The following CCDC141 variants were observed in gnomAD, a reference collection of about 807,000 sequenced individuals.
CCDC141 encodes coiled-coil domain-containing protein 141.
A neutral mutation model predicts 181.0 loss-of-function variants in CCDC141; 168 were observed. That is an observed-to-expected ratio of 0.93 (90% CI 0.82 to 1.05). The LOEUF (loss-of-function observed/expected upper bound fraction) is 1.05. Ranked by LOEUF, CCDC141 falls within the 50% of genes least tolerant of loss-of-function variation. The pLI is 0.00. For missense variants in CCDC141, 1,902 were observed against 1,788.5 expected (o/e 1.06, Z -1.14); for synonymous variants, 666 against 642.3 (o/e 1.04, Z -0.56).
intron 12 of CCDC141, chr2:178,876,145 GAA>G (rs1335398230): frequency 6.6e-6 from 1 of 152,076 alleles, no homozygotes; most frequent in Admixed American, 6.5e-5. Flanking sequence ...AAGATAAAGA[GAA>G]AATTGCAGCT....
intron 6 of CCDC141, among the ~76,000 whole-genome samples, chr2:178,940,686 TC>T (rs957656656): frequency 2.0e-5 from 3 of 152,202 alleles, no homozygotes; most frequent in African/African-American, 7.2e-5. Context: ...AAAGGATGCT[TC>T]TTCTTCACAA....
At chr2:179,047,481 A>G in intron 1 of CCDC141, 75 bp from the exon 2 acceptor site, 1 of 1,261,234 alleles carries the variant, frequency 7.9e-7, no homozygotes. Context: ...CATTTTTAAT[A>G]TATCGTTTAA....
At chr2:179,002,523 G>T (rs1240658327) in intron 2 of CCDC141, 2 of 386,770 alleles carry the variant, frequency 5.2e-6, no homozygotes, top group Non-Finnish European at 1.0e-5. Flanking sequence ...AACAATATGT[G>T]GTAAGAAAGG....
intron 2 of CCDC141, among the ~76,000 whole-genome samples, chr2:179,031,233 G>A (rs867534948): frequency 8.6e-5 from 13 of 150,402 alleles, no homozygotes; most frequent in African/African-American, 1.7e-4. Flanking sequence ...AGTAGTTTTC[G>A]TAGCTTATGA....
intron 8 of CCDC141, among the ~76,000 whole-genome samples, chr2:178,897,632 T>G (rs1186739945): frequency 6.6e-6 from 1 of 152,186 alleles, no homozygotes; most frequent in Admixed American, 6.5e-5. Context: ...TATACAGTCC[T>G]TTAGGCAGGT....
chr2:178,868,675 G>A (rs1450063331), intron 15 of CCDC141, among the ~76,000 whole-genome samples: 5 of 151,198 alleles, frequency 3.3e-5, no homozygotes, highest in East Asian at 1.9e-4. Context: ...GAATTGGGGC[G>A]GGGGAGAGGG....
At chr2:178,825,320 A>C (rs1335894134), downstream of CCDC141, 1 of 152,206 alleles carries the variant, frequency 6.6e-6, no homozygotes, top group African/African-American at 2.4e-5. Context: ...TACCCACAGT[A>C]GCTACATTCA....
At chr2:178,854,988 T>C (rs1685321916) in intron 19 of CCDC141, among the ~76,000 whole-genome samples, 6 of 152,170 alleles carry the variant, frequency 3.9e-5, no homozygotes, top group Admixed American at 3.3e-4. Flanking sequence ...TTCTGTGAAA[T>C]AAATAAACCA....
rs75940894 is a variant in CCDC141 at position 178,990,837 on chromosome 2, G to T, written c.226-12162C>A. On this transcript the variant is annotated intron_variant, in intron 2 of 23. Transcript: ENST00000443758. ...AGGAGTCACTATGTAGTGGGCACAGGGTTTTCTTTTGGGCTGATGGAAAGG... is the reference window on the plus strand; with the variant it reads ...AGGAGTCACTATGTAGTGGGCACAGTGTTTTCTTTTGGGCTGATGGAAAGG... Among the ~76,000 whole-genome samples the T allele has an allele frequency of 4.9e-3, 744 of 152,196 alleles. 9 individuals carry two copies. Among genetic ancestry groups the T allele is most frequent in the African/African-American group, 0.017 (714 of 41,526 alleles).
intron 2 of CCDC141, among the ~76,000 whole-genome samples, chr2:179,016,085 T>C (rs188834023): frequency 1.3e-3 from 194 of 151,290 alleles, no homozygotes; most frequent in African/African-American, 4.4e-3. Context: ...CTAAGTGAGG[T>C]AACTCAGGAA....
At chr2:178,842,679 T>C (rs1159668844) in intron 22 of CCDC141, among the ~76,000 whole-genome samples, 2 of 152,188 alleles carry the variant, frequency 1.3e-5, no homozygotes, top group Non-Finnish European at 2.9e-5. Flanking sequence ...CCATAACAGA[T>C]AGCCTTACTT....
chr2:178,982,816 C>T (rs577950747), intron 2 of CCDC141, among the ~76,000 whole-genome samples: 48 of 152,260 alleles, frequency 3.2e-4, no homozygotes, highest in Admixed American at 1.1e-3. Flanking sequence ...GAGGGTCCTA[C>T]CCCACAGAGT....
chr2:179,008,671 C>T (rs1213741682), intron 2 of CCDC141, among the ~76,000 whole-genome samples: 13 of 152,298 alleles, frequency 8.5e-5, no homozygotes, highest in African/African-American at 2.9e-4. Context: ...GGAAGCACCA[C>T]TCCACATATA....
intron 2 of CCDC141, among the ~76,000 whole-genome samples, chr2:179,037,220 A>C (rs1365202997): frequency 6.6e-6 from 1 of 152,350 alleles, no homozygotes; most frequent in East Asian, 1.9e-4. Context: ...CAGGTGACAC[A>C]GGCCTCCCTA....
chr2:179,044,651 T>C (rs922603063), intron 2 of CCDC141, among the ~76,000 whole-genome samples: 3 of 152,278 alleles, frequency 2.0e-5, no homozygotes, highest in African/African-American at 7.2e-5. Context: ...CATGAATTAT[T>C]AACAGGAACT....
In CCDC141 at chr2:178,832,955, A is replaced by C. The variant is rs1684319112; in HGVS notation, c.*1218T>G. 1 of 152,194 alleles carries C rather than the reference A, an allele frequency of 6.6e-6. No homozygotes were observed. Among genetic ancestry groups the C allele is most frequent in the East Asian group, 1.9e-4 (1 of 5,202 alleles). The allele number at this position is 152,194 out of a possible 1,614,324, so 9.4% of individuals were successfully genotyped here. On this transcript the variant is annotated 3_prime_UTR_variant, in exon 24 of 24. Transcript: ENST00000443758. ...AGAATACTTCAATATTATAGTAATA[A>C]TTATTGTAAAAGGATAGAATTCATC...
chr2:178,987,896 T>C (rs868746409), intron 2 of CCDC141, among the ~76,000 whole-genome samples: 1,875 of 150,958 alleles, frequency 0.012, 22 homozygotes, highest in African/African-American at 0.043. Context: ...TCAACCATTG[T>C]GGAAGTCAGT....
In CCDC141 at chr2:179,050,070, C is replaced by T. The variant is rs2154391894; in HGVS notation, c.-129G>A. The T allele has an allele frequency of 2.1e-6, 3 of 1,400,252 alleles. No individual in the cohort carries two copies. The highest frequency in any genetic ancestry group is 5.1e-5 in the East Asian group (2 of 39,496). The allele number at this position is 1,400,252 out of a possible 1,614,324, so 86.7% of individuals were successfully genotyped here. A position where few individuals can be genotyped will look rare whatever the true frequency, so the allele number is the denominator to read the frequency against. Reference sequence around the variant, plus strand: ...AGCTCAGCTCACACTGATTACTCTGCCAAAAGGAAAGAACAGGAGGTTAAA... The same window carrying T: ...AGCTCAGCTCACACTGATTACTCTGTCAAAAGGAAAGAACAGGAGGTTAAA... On this transcript the variant is annotated 5_prime_UTR_variant, in exon 1 of 24. Coordinates refer to ENST00000443758, the MANE Select transcript of CCDC141 (RefSeq NM_173648.4).
At chr2:178,847,495 C>A (rs942363038) in intron 21 of CCDC141, among the ~76,000 whole-genome samples, 8 of 152,162 alleles carry the variant, frequency 5.3e-5, no homozygotes, top group African/African-American at 1.9e-4. Flanking sequence ...AACACCACTA[C>A]ACTCCAGCCT....
Sources: allele counts gnomAD v4.1 joint callset (sites outside exome capture counted in the v4.1 genomes callset), GRCh38; gene constraint gnomAD v4.1.1; transcripts MANE v1.5; gene names NCBI Gene and HGNC (gene_info 2026-07-23, HGNC 2026-07-21).